FAM171A1: variants seen among roughly 807,000 people sequenced by gnomAD.
FAM171A1 encodes the protein family with sequence similarity 171 member A1.
FAM171A1 carries 23 observed loss-of-function variants against 74.9 expected under a neutral mutation model. The observed-to-expected ratio is 0.31, with a 90% CI of 0.22 to 0.44. FAM171A1 has a LOEUF of 0.44. Among genes scored for constraint, FAM171A1 ranks in the 20% least tolerant of loss-of-function variants. FAM171A1 has a pLI of 1.00. For missense variants in FAM171A1, 1,162 were observed against 1,159.2 expected (o/e 1.00, Z -0.03); for synonymous variants, 527 against 505.7 (o/e 1.04, Z -0.57).
At chr10:15,322,409 G>T (rs1835497572) in intron 1 of FAM171A1, among the ~76,000 whole-genome samples, 3 of 152,144 alleles carry the variant, frequency 2.0e-5, no homozygotes, top group Admixed American at 2.0e-4. Flanking sequence ...CTCCATCCAT[G>T]TTACATAAAA....
chr10:15,297,082 G>A (rs1835171094), intron 1 of FAM171A1, among the ~76,000 whole-genome samples: 1 of 151,456 alleles, frequency 6.6e-6, no homozygotes, highest in Non-Finnish European at 1.5e-5. Context: ...TTTTGAGATG[G>A]AGTCTTGTTG....
chr10:15,338,080 G>A (rs1178060322), intron 1 of FAM171A1, among the ~76,000 whole-genome samples: 1 of 152,094 alleles, frequency 6.6e-6, no homozygotes, highest in Non-Finnish European at 1.5e-5. Flanking sequence ...CCAATTAAAC[G>A]CCTTTCACTT....
intron 1 of FAM171A1, among the ~76,000 whole-genome samples, chr10:15,323,225 C>T (rs897330478): frequency 1.3e-4 from 20 of 151,024 alleles, no homozygotes; most frequent in African/African-American, 4.9e-4. Context: ...GAGGTTGAGG[C>T]AGGTGGATCA....
intron 1 of FAM171A1, among the ~76,000 whole-genome samples, chr10:15,309,717 C>T (rs936639359): frequency 6.6e-6 from 1 of 152,222 alleles, no homozygotes; most frequent in Non-Finnish European, 1.5e-5. Flanking sequence ...AGAAGCTAAT[C>T]CCACCTAACT....
chr10:15,288,156 C>T (rs1277063663), intron 1 of FAM171A1, among the ~76,000 whole-genome samples: 3 of 152,196 alleles, frequency 2.0e-5, no homozygotes, highest in Non-Finnish European at 4.4e-5. Context: ...TCTTTATCCA[C>T]TCATTGACTG....
chr10:15,248,013 G>C (rs1257256528), intron 5 of FAM171A1, among the ~76,000 whole-genome samples: 1 of 152,106 alleles, frequency 6.6e-6, no homozygotes, highest in Non-Finnish European at 1.5e-5. Flanking sequence ...AAGAGACTCT[G>C]AGCCCTACCA....
intron 3 of FAM171A1, among the ~76,000 whole-genome samples, chr10:15,274,451 C>A (rs1373551885): frequency 6.6e-6 from 1 of 152,174 alleles, no homozygotes; most frequent in Non-Finnish European, 1.5e-5. Context: ...GTGAAAATGG[C>A]CATACTGCCC....
At chr10:15,274,125 C>G (rs1232229316) in intron 3 of FAM171A1, among the ~76,000 whole-genome samples, 1 of 152,128 alleles carries the variant, frequency 6.6e-6, no homozygotes, top group Non-Finnish European at 1.5e-5. Context: ...TGATTGTATA[C>G]TTAGAAAACC....
intron 1 of FAM171A1, among the ~76,000 whole-genome samples, chr10:15,364,000 G>C (rs1442044843): frequency 6.6e-6 from 1 of 151,296 alleles, no homozygotes; most frequent in Admixed American, 6.6e-5. Flanking sequence ...GAGGGGCCAT[G>C]CTGAGCCCTG....
chr10:15,243,520 G>A (rs1033638820), intron 5 of FAM171A1, among the ~76,000 whole-genome samples: 2 of 152,182 alleles, frequency 1.3e-5, no homozygotes, highest in South Asian at 4.2e-4. Context: ...ATACACCTGT[G>A]CCATATAGTT....
At chr10:15,322,191 T>G (rs945140625) in intron 1 of FAM171A1, among the ~76,000 whole-genome samples, 1 of 152,120 alleles carries the variant, frequency 6.6e-6, no homozygotes, top group African/African-American at 2.4e-5. Flanking sequence ...TTTCTGAAAT[T>G]GTTCTAAATG....
intron 1 of FAM171A1, among the ~76,000 whole-genome samples, chr10:15,316,291 T>C (rs1338291317): frequency 6.6e-6 from 1 of 152,236 alleles, no homozygotes; most frequent in Non-Finnish European, 1.5e-5. Flanking sequence ...AGTGTCAGGC[T>C]GCCTCTGGAA....
chr10:15,271,222 G>GA (rs1834820413), intron 3 of FAM171A1, among the ~76,000 whole-genome samples: 6 of 152,164 alleles, frequency 3.9e-5, no homozygotes, highest in African/African-American at 1.4e-4. Flanking sequence ...CATGGCACAA[G>GA]AACTACGTGA....
chr10:15,214,741 C>A, intron 7 of FAM171A1, 140 bp from the exon 8 acceptor site: 1 of 1,118,730 alleles, frequency 8.9e-7, no homozygotes, highest in Non-Finnish European at 1.2e-6. Context: ...CAAAAGCCTT[C>A]TCACCCCACG....
Position 15,221,045 on chromosome 10 carries a change from C to T in FAM171A1, c.770G>A (p.Ser257Asn), listed in dbSNP as rs745452560. The T allele has an allele frequency of 1.9e-6, 3 of 1,614,050 alleles. No homozygotes were observed. The highest frequency in any genetic ancestry group is 1.1e-5 in the South Asian group (1 of 91,036). ...FDQKLGTWLK[S>N]GLGLVHQEGS... ...TTCCTGGTGCACAAGACCCAGACCG[C>T]TCTTCAGCCACGTTCCTGTGGAATT... Residue 257 changes from serine (S) to asparagine (N), a missense_variant, in exon 6 of 8, where the codon AGC (serine) becomes AAC (asparagine). Coordinates refer to ENST00000378116, the MANE Select transcript of FAM171A1 (RefSeq NM_001010924.2).
chr10:15,331,678 A>G (rs1383846014), intron 1 of FAM171A1, among the ~76,000 whole-genome samples: 1 of 151,624 alleles, frequency 6.6e-6, no homozygotes, highest in Non-Finnish European at 1.5e-5. Flanking sequence ...AGTGCCTGGA[A>G]TACTGCACAC....
intron 1 of FAM171A1, among the ~76,000 whole-genome samples, chr10:15,334,761 A>G (rs1006290099): frequency 1.3e-5 from 2 of 152,312 alleles, no homozygotes; most frequent in African/African-American, 4.8e-5. Context: ...TGTTTCTACT[A>G]TACTATCTTG....
At chr10:15,248,511 C>A in intron 5 of FAM171A1, 128 bp downstream of exon 5, 1 of 970,956 alleles carries the variant, frequency 1.0e-6, no homozygotes, top group Non-Finnish European at 1.5e-6. Flanking sequence ...AGAAACCACA[C>A]AATGCAATGT....
intron 4 of FAM171A1, among the ~76,000 whole-genome samples, chr10:15,253,848 TG>T (rs1271942188): frequency 6.6e-6 from 1 of 152,060 alleles, no homozygotes; most frequent in Non-Finnish European, 1.5e-5. Context: ...CCAGGAGGAG[TG>T]GGGACCATTC....
Sources: gnomAD v4.1 joint callset for allele counts (sites outside exome capture counted in the v4.1 genomes callset) on GRCh38, gnomAD v4.1.1 for gene constraint, MANE v1.5 for transcripts, NCBI Gene and HGNC (gene_info 2026-07-23, HGNC 2026-07-21) for gene names.